CTNNA3: variants seen among roughly 807,000 people sequenced by gnomAD.
CTNNA3 encodes catenin alpha-3.
A neutral mutation model predicts 95.7 loss-of-function variants in CTNNA3; 76 were observed. The observed-to-expected ratio is 0.79, with a 90% CI of 0.66 to 0.96. The LOEUF is 0.96. CTNNA3 is among the 40% of genes least tolerant of loss of function. CTNNA3 has a pLI of 0.00. For missense variants in CTNNA3, 1,191 were observed against 1,089.8 expected, an observed-to-expected ratio of 1.09 and a Z score of -1.31; for synonymous variants, 431 against 374.4, an observed-to-expected ratio of 1.15 and a Z score of -1.74.
chr10:67,001,421 A>C (rs1218317087), intron 7 of CTNNA3, among the ~76,000 whole-genome samples: 2 of 152,026 alleles, frequency 1.3e-5, no homozygotes, highest in Non-Finnish European at 2.9e-5. Flanking sequence ...CCTAAAACCA[A>C]AAAGGTGAAG....
At chr10:66,889,766 G>A (rs1189385706) in intron 7 of CTNNA3, among the ~76,000 whole-genome samples, 3 of 151,548 alleles carry the variant, frequency 2.0e-5, no homozygotes, top group African/African-American at 7.3e-5. Context: ...GAGAGAGATG[G>A]GGAAGATCAG....
intron 5 of CTNNA3, among the ~76,000 whole-genome samples, chr10:67,477,529 A>G (rs1299746065): frequency 1.3e-5 from 2 of 152,158 alleles, no homozygotes; most frequent in East Asian, 3.9e-4. Context: ...GCATAGCCCA[A>G]TACAAAACCT....
chr10:67,726,427 T>TATATATAATATATA (rs1841220389), intron 1 of CTNNA3, among the ~76,000 whole-genome samples: 2 of 35,486 alleles, frequency 5.6e-5, no homozygotes, highest in East Asian at 1.5e-3. Context: ...TATTATATAT[T>TATATATAATATATA]ATATCATATA....
At position 67,327,165 on chromosome 10, in the gene CTNNA3, A is replaced by G. The variant is rs541706058; in HGVS notation, c.580-107295T>C. Among the ~76,000 whole-genome samples, 4 of 152,288 alleles carry G rather than the reference A, an allele frequency of 2.6e-5. No individual in the cohort carries two copies. The East Asian group carries it at 7.7e-4, about 29-fold the overall frequency. On this transcript the variant is annotated intron_variant, in intron 5 of 17. Coordinates refer to ENST00000433211, the MANE Select transcript of CTNNA3 (RefSeq NM_013266.4). ...TTTTAGCTTCCTTGGATTGGGTTTC[A>G]AAATACTTCTGTAGCTCAATGATCT...
chr10:66,769,791 T>C (rs1035134900), intron 8 of CTNNA3, among the ~76,000 whole-genome samples: 1 of 152,220 alleles, frequency 6.6e-6, no homozygotes, highest in Non-Finnish European at 1.5e-5. Flanking sequence ...CATTCTGTTA[T>C]TCTCAGAGAT....
intron 7 of CTNNA3, among the ~76,000 whole-genome samples, chr10:66,865,792 T>C (rs1446673729): frequency 2.6e-5 from 4 of 152,092 alleles, no homozygotes; most frequent in Non-Finnish European, 5.9e-5. Context: ...GGGGAAAATT[T>C]GACAGTGATT....
intron 6 of CTNNA3, among the ~76,000 whole-genome samples, chr10:67,203,057 C>A (rs1465420515): frequency 6.6e-6 from 1 of 152,160 alleles, no homozygotes; most frequent in Non-Finnish European, 1.5e-5. Context: ...AAGCTTGTAT[C>A]TCTTTCTTTT....
At chr10:67,054,413 C>T (rs1363598883) in intron 7 of CTNNA3, among the ~76,000 whole-genome samples, 4 of 152,092 alleles carry the variant, frequency 2.6e-5, no homozygotes, top group Non-Finnish European at 5.9e-5. Context: ...AGGATCACAC[C>T]ATTGATCCAC....
At chr10:67,627,961 A>G (rs1317226261) in intron 2 of CTNNA3, among the ~76,000 whole-genome samples, 2 of 151,972 alleles carry the variant, frequency 1.3e-5, no homozygotes, top group South Asian at 2.1e-4. Flanking sequence ...GCAATTTCAT[A>G]TAGTTCAGAG....
intron 5 of CTNNA3, among the ~76,000 whole-genome samples, chr10:67,242,549 G>A (rs777636182): frequency 7.2e-5 from 11 of 152,166 alleles, no homozygotes; most frequent in Non-Finnish European, 1.5e-4. Context: ...ACACTATACT[G>A]TATCTGCCCC....
At chr10:66,766,179 T>C in intron 9 of CTNNA3, 85 bp downstream of exon 9, 1 of 1,422,008 alleles carries the variant, frequency 7.0e-7, no homozygotes, top group Non-Finnish European at 9.7e-7. Flanking sequence ...TCAAAAGTTT[T>C]TATTTAGGTA....
intron 7 of CTNNA3, among the ~76,000 whole-genome samples, chr10:67,140,312 T>G (rs568753744): frequency 6.6e-6 from 1 of 152,268 alleles, no homozygotes; most frequent in East Asian, 1.9e-4. Flanking sequence ...TTTAAAGATT[T>G]AAATCCATCT....
chr10:67,570,889 G>A (rs1265779287), intron 3 of CTNNA3, among the ~76,000 whole-genome samples: 1 of 152,052 alleles, frequency 6.6e-6, no homozygotes, highest in African/African-American at 2.4e-5. Context: ...CCTCAAAGCT[G>A]GTTCATTATG....
intron 12 of CTNNA3, among the ~76,000 whole-genome samples, chr10:66,335,365 C>T (rs1165942927): frequency 6.6e-6 from 1 of 152,034 alleles, no homozygotes; most frequent in Non-Finnish European, 1.5e-5. Context: ...GTGGTTTTAT[C>T]TACCTTTGGT....
At chr10:66,034,661 CTG>C (rs1424219014) in intron 15 of CTNNA3, among the ~76,000 whole-genome samples, 1 of 152,170 alleles carries the variant, frequency 6.6e-6, no homozygotes, top group Non-Finnish European at 1.5e-5. Context: ...AATTTATGCA[CTG>C]TGAGTATTCC....
chr10:66,341,447 A>G (rs1425521568), intron 12 of CTNNA3, among the ~76,000 whole-genome samples: 1 of 151,866 alleles, frequency 6.6e-6, no homozygotes, highest in Non-Finnish European at 1.5e-5. Context: ...AGCTATTAAA[A>G]CTACAAATAA....
intron 13 of CTNNA3, among the ~76,000 whole-genome samples, chr10:66,279,447 T>G (rs569723802): frequency 6.6e-6 from 1 of 152,222 alleles, no homozygotes; most frequent in South Asian, 2.1e-4. Flanking sequence ...GAGAATTACT[T>G]TCTTTGGCCA....
chr10:66,135,439 G>T (rs1253104988), intron 13 of CTNNA3, among the ~76,000 whole-genome samples: 5 of 152,182 alleles, frequency 3.3e-5, no homozygotes, highest in African/African-American at 1.2e-4. Flanking sequence ...TTTCAGTAGT[G>T]TTAATGTATT....
chr10:66,032,904 G>T (rs72791462), intron 15 of CTNNA3, among the ~76,000 whole-genome samples: 13,258 of 152,158 alleles, frequency 0.087, 677 homozygotes, highest in Admixed American at 0.11. Flanking sequence ...AGAGGAAATG[G>T]ACTCAGAGAA....
Sources: allele counts gnomAD v4.1 joint callset (sites outside exome capture counted in the v4.1 genomes callset), GRCh38; gene constraint gnomAD v4.1.1; transcripts MANE v1.5; gene names NCBI Gene and HGNC (gene_info 2026-07-23, HGNC 2026-07-21).